Variants in CHRM3 observed in about 807,000 individuals in gnomAD.
CHRM3 encodes muscarinic acetylcholine receptor M3.
Under a neutral mutation model 41.8 loss-of-function variants are expected in CHRM3, and 11 were observed. The ratio of observed to expected loss-of-function variants is 0.26; its 90% CI spans 0.17 to 0.44. The LOEUF (loss-of-function observed/expected upper bound fraction) is 0.44. CHRM3 is among the 20% of genes least tolerant of loss of function. The pLI is 1.00. For missense variants in CHRM3, 571 were observed against 745.4 expected (o/e 0.77, Z 2.72); for synonymous variants, 297 against 301.4 (o/e 0.99, Z 0.15).
chr1:239,882,245 A>G (rs1157202224), intron 6 of CHRM3, among the ~76,000 whole-genome samples: 2 of 152,168 alleles, frequency 1.3e-5, no homozygotes, highest in African/African-American at 2.4e-5. Context: ...ACTGAGGCCT[A>G]AAGAGAACAA....
At chr1:239,549,239 C>T (rs942500920) in intron 3 of CHRM3, among the ~76,000 whole-genome samples, 5 of 152,112 alleles carry the variant, frequency 3.3e-5, no homozygotes, top group Admixed American at 2.6e-4. Flanking sequence ...CACAGCCAAA[C>T]CATATCACCT....
At chr1:239,582,211 A>G (rs1662965937) in intron 3 of CHRM3, among the ~76,000 whole-genome samples, 1 of 152,306 alleles carries the variant, frequency 6.6e-6, no homozygotes, top group South Asian at 2.1e-4. Context: ...ACTTGCACTC[A>G]TGTTAACACA....
intron 6 of CHRM3, among the ~76,000 whole-genome samples, chr1:239,836,612 TC>T (rs1673339922): frequency 6.6e-6 from 1 of 152,094 alleles, no homozygotes; most frequent in African/African-American, 2.4e-5. Context: ...GAGCAGACCC[TC>T]TTAGGACTCC....
chr1:239,761,811 A>ATG (rs1558521624), intron 5 of CHRM3, among the ~76,000 whole-genome samples: 4 of 152,222 alleles, frequency 2.6e-5, no homozygotes, highest in African/African-American at 9.6e-5. Context: ...GATCAGTTGC[A>ATG]CCGGACAGAT....
intron 1 of CHRM3, among the ~76,000 whole-genome samples, chr1:239,415,391 G>A (rs983382247): frequency 3.9e-5 from 6 of 152,164 alleles, no homozygotes; most frequent in Non-Finnish European, 5.9e-5. Flanking sequence ...AGTGAGCTGA[G>A]ACTGTGCCAC....
intron 5 of CHRM3, among the ~76,000 whole-genome samples, chr1:239,738,917 T>C (rs1664613765): frequency 6.6e-6 from 1 of 152,212 alleles, no homozygotes; most frequent in Non-Finnish European, 1.5e-5. Flanking sequence ...CCTTGGTCAC[T>C]GCTAAGGCAC....
Position 239,910,090 on chromosome 1 carries a change from C to T in CHRM3, c.*866C>T, listed in dbSNP as rs1275516622. The T allele has an allele frequency of 6.0e-6, 1 of 166,982 alleles. No individual in the cohort carries two copies. The highest frequency in any genetic ancestry group is 2.4e-5 in the African/African-American group (1 of 41,402). 10.3% of individuals were successfully genotyped at this position (166,982 alleles called of 1,614,324 possible). Reference sequence around the variant, plus strand: ...CAGAGCGGACAGGCTCGTGAGTCAGCTGAGCGCCGTGGCTTCGCCAGACTT... The same window carrying T: ...CAGAGCGGACAGGCTCGTGAGTCAGTTGAGCGCCGTGGCTTCGCCAGACTT... On this transcript the variant is annotated 3_prime_UTR_variant, in exon 7 of 7. Coordinates refer to ENST00000676153, the MANE Select transcript of CHRM3 (RefSeq NM_001375978.1).
intron 3 of CHRM3, among the ~76,000 whole-genome samples, chr1:239,563,065 A>G (rs1183895516): frequency 2.0e-5 from 3 of 152,108 alleles, no homozygotes; most frequent in Non-Finnish European, 4.4e-5. Context: ...TTATGCCATT[A>G]ATATAATCAT....
At chr1:239,662,014 T>TA (rs539867658) in intron 4 of CHRM3, among the ~76,000 whole-genome samples, 83 of 151,076 alleles carry the variant, frequency 5.5e-4, no homozygotes, top group Admixed American at 3.5e-3. Flanking sequence ...GCCTATTAAT[T>TA]AAAAAAAACA....
chr1:239,583,116 C>A (rs1663057978), intron 3 of CHRM3, among the ~76,000 whole-genome samples: 1 of 152,146 alleles, frequency 6.6e-6, no homozygotes, highest in Non-Finnish European at 1.5e-5. Flanking sequence ...TGCTTTAGAG[C>A]AGTTGATAGT....
At position 239,814,524 on chromosome 1, in the gene CHRM3, G is replaced by A. The variant is rs182876128; in HGVS notation, c.-146-12728G>A. ...ATGCACCTGTTTTCTTTCCTCTGTGGTAACTGTCATGCGTACCTGCCTGCA... is the reference window on the plus strand; with the variant it reads ...ATGCACCTGTTTTCTTTCCTCTGTGATAACTGTCATGCGTACCTGCCTGCA... On this transcript the variant is annotated intron_variant, in intron 5 of 6. Coordinates refer to ENST00000676153, the MANE Select transcript of CHRM3 (RefSeq NM_001375978.1). Among the ~76,000 whole-genome samples the A allele has an allele frequency of 1.5e-4, 23 of 152,202 alleles. No homozygotes were observed. The East Asian group carries it at 4.1e-3, about 27-fold the overall frequency.
chr1:239,627,859 T>C (rs1191266646), intron 3 of CHRM3, among the ~76,000 whole-genome samples: 5 of 151,360 alleles, frequency 3.3e-5, no homozygotes, highest in African/African-American at 4.9e-5. Context: ...GTAAGGTTTC[T>C]GCCGAGAGAT....
chr1:239,544,770 T>C (rs1346079559), intron 2 of CHRM3, among the ~76,000 whole-genome samples: 4 of 152,234 alleles, frequency 2.6e-5, no homozygotes, highest in African/African-American at 9.6e-5. Context: ...ATGCTTGCAT[T>C]TTAGAGAACT....
At chr1:239,681,456 C>G (rs1035757779) in intron 5 of CHRM3, among the ~76,000 whole-genome samples, 3 of 152,192 alleles carry the variant, frequency 2.0e-5, no homozygotes, top group African/African-American at 7.2e-5. Context: ...CTATTTTATC[C>G]TGTCTTCAAC....
At chr1:239,560,767 C>T (rs543038728) in intron 3 of CHRM3, among the ~76,000 whole-genome samples, 21 of 152,074 alleles carry the variant, frequency 1.4e-4, no homozygotes, top group African/African-American at 3.6e-4. Context: ...CAGCTCCATC[C>T]GTGACCCCTA....
At chr1:239,740,316 T>C (rs1306152595) in intron 5 of CHRM3, among the ~76,000 whole-genome samples, 1 of 152,150 alleles carries the variant, frequency 6.6e-6, no homozygotes, top group Non-Finnish European at 1.5e-5. Flanking sequence ...GTGCTTTGCA[T>C]AAAATTTGGA....
At chr1:239,872,401 G>A (rs1354852390) in intron 6 of CHRM3, among the ~76,000 whole-genome samples, 1 of 152,126 alleles carries the variant, frequency 6.6e-6, no homozygotes, top group African/African-American at 2.4e-5. Context: ...ACAGACCTGT[G>A]GACCTGGTCT....
chr1:239,505,339 C>T (rs946034259), intron 2 of CHRM3, among the ~76,000 whole-genome samples: 2 of 151,974 alleles, frequency 1.3e-5, no homozygotes, highest in Admixed American at 6.6e-5. Flanking sequence ...CCACCCAAAT[C>T]TCATCTTGAA....
At chr1:239,437,563 G>A (rs1171134747) in intron 1 of CHRM3, among the ~76,000 whole-genome samples, 1 of 152,040 alleles carries the variant, frequency 6.6e-6, no homozygotes, top group Non-Finnish European at 1.5e-5. Context: ...TTGAGACGGA[G>A]TCTCTCTCTG....
Sources: allele counts gnomAD v4.1 joint callset (sites outside exome capture counted in the v4.1 genomes callset), GRCh38; gene constraint gnomAD v4.1.1; transcripts MANE v1.5; gene names NCBI Gene and HGNC (gene_info 2026-07-23, HGNC 2026-07-21).